TANK: variants seen among roughly 807,000 people sequenced by gnomAD.
TANK encodes the protein TRAF family member-associated NF-kappa-B activator.
TANK carries 15 observed loss-of-function variants against 43.6 expected under a neutral mutation model. The observed-to-expected ratio is 0.34, with a 90% CI of 0.23 to 0.53. The LOEUF (loss-of-function observed/expected upper bound fraction) is 0.53. TANK is among the 20% of genes least tolerant of loss of function. TANK has a pLI of 0.94. For synonymous variants in TANK, 162 were observed against 178.2 expected (o/e 0.91, Z 0.73); for missense variants, 417 against 498.6 (o/e 0.84, Z 1.56).
At chr2:161,141,427 C>CCTGT (rs1404134458) in intron 1 of TANK, among the ~76,000 whole-genome samples, 11 of 152,196 alleles carry the variant, frequency 7.2e-5, no homozygotes, top group Non-Finnish European at 1.5e-4. Flanking sequence ...CACCTATCAA[C>CCTGT]CTGTCATCTA....
At chr2:161,180,958 T>C (rs1434430589) in intron 2 of TANK, among the ~76,000 whole-genome samples, 1 of 150,208 alleles carries the variant, frequency 6.7e-6, no homozygotes, top group Non-Finnish European at 1.5e-5. Flanking sequence ...TCAACCAAAA[T>C]TCCAGATTCT....
chr2:161,148,137 A>C (rs1469614318), intron 1 of TANK, among the ~76,000 whole-genome samples: 1 of 152,178 alleles, frequency 6.6e-6, no homozygotes, highest in Non-Finnish European at 1.5e-5. Context: ...TTACACTCCA[A>C]CCAGCACTAT....
intron 4 of TANK, among the ~76,000 whole-genome samples, chr2:161,216,016 C>T (rs1417865888): frequency 6.6e-6 from 1 of 152,148 alleles, no homozygotes; most frequent in Non-Finnish European, 1.5e-5. Context: ...TGATAAGTCC[C>T]TTTTGGAAAC....
chr2:161,198,252 C>T (rs927026699), intron 2 of TANK, among the ~76,000 whole-genome samples: 11 of 152,214 alleles, frequency 7.2e-5, no homozygotes, highest in African/African-American at 2.4e-4. Context: ...AGATAAACAA[C>T]AAAAAACTCA....
At chr2:161,191,283 AT>A (rs141555693) in intron 2 of TANK, among the ~76,000 whole-genome samples, 1 of 152,074 alleles carries the variant, frequency 6.6e-6, no homozygotes, top group Non-Finnish European at 1.5e-5. Context: ...CCACATGCTT[AT>A]TTTTTTTAAA....
intron 1 of TANK, among the ~76,000 whole-genome samples, chr2:161,177,686 A>G (rs1206025532): frequency 6.6e-6 from 1 of 152,142 alleles, no homozygotes; most frequent in African/African-American, 2.4e-5. Context: ...ATTGGACTGT[A>G]TTAAAATTAA....
chr2:161,195,372 A>G (rs1035742407), intron 2 of TANK, among the ~76,000 whole-genome samples: 2 of 152,222 alleles, frequency 1.3e-5, no homozygotes, highest in African/African-American at 4.8e-5. Flanking sequence ...AATTGCTATT[A>G]GAATGTCTGT....
At chr2:161,191,877 T>C (rs2105322141) in intron 2 of TANK, among the ~76,000 whole-genome samples, 1 of 152,254 alleles carries the variant, frequency 6.6e-6, no homozygotes, top group South Asian at 2.1e-4. Flanking sequence ...CACCTCTGCC[T>C]CTTGGGTTCA....
intron 6 of TANK, among the ~76,000 whole-genome samples, chr2:161,227,724 C>G (rs1687701730): frequency 6.6e-6 from 1 of 152,230 alleles, no homozygotes; most frequent in Non-Finnish European, 1.5e-5. Flanking sequence ...AGTCTCTCCT[C>G]TTCGGGTGTT....
intron 1 of TANK, among the ~76,000 whole-genome samples, chr2:161,154,861 C>A (rs958853163): frequency 6.6e-6 from 1 of 151,812 alleles, no homozygotes; most frequent in Non-Finnish European, 1.5e-5. Flanking sequence ...TCTTGTGCCT[C>A]AGCTTCCTGA....
Position 161,212,388 on chromosome 2 carries a change from A to G in TANK, c.327+7595A>G, listed in dbSNP as rs1036892337. On this transcript the variant is annotated intron_variant, in intron 4 of 7. Coordinates refer to ENST00000392749, the MANE Select transcript of TANK (RefSeq NM_001199135.3). The stretch of plus-strand genomic sequence containing the variant: ...TACACAAACTCTTAAGAAAACAAAT[A>G]TTGATATCCAAAACATTTTAATAAT... 5 of 984,654 alleles carry G rather than the reference A, an allele frequency of 5.1e-6. No individual in the cohort carries two copies. The African/African-American group carries it at 7.0e-5, about 14-fold the overall frequency. 61.0% of individuals were successfully genotyped at this position (984,654 alleles called of 1,614,324 possible).
chr2:161,180,260 A>G (rs1252310403), intron 2 of TANK: 2 of 355,400 alleles, frequency 5.6e-6, no homozygotes, highest in Non-Finnish European at 7.9e-6. Context: ...ATCTTTAATG[A>G]CTTACTAAAG....
In TANK at chr2:161,137,019, A is replaced by G. The variant is rs73013291; in HGVS notation, c.-94A>G. ...CAACTGTGTAACTGTCTTCATCTTT[A>G]CAGAGGAATAGTCTACAAAGGAAGA... On this transcript the variant is annotated 5_prime_UTR_variant, in exon 1 of 8. Transcript: ENST00000259075. 7,488 of 985,358 alleles carry G rather than the reference A, an allele frequency of 7.6e-3. 420 individuals are homozygous for G. In the African/African-American group the frequency reaches 0.12, roughly 16 times the overall value. 61.0% of individuals were successfully genotyped at this position (985,358 alleles called of 1,614,324 possible).
chr2:161,146,115 G>A (rs1348068157), intron 1 of TANK, among the ~76,000 whole-genome samples: 4 of 152,116 alleles, frequency 2.6e-5, no homozygotes, highest in African/African-American at 9.6e-5. Flanking sequence ...TGGTCAATTC[G>A]GCTATTGATA....
intron 4 of TANK, among the ~76,000 whole-genome samples, chr2:161,213,207 G>A (rs1358585295): frequency 6.6e-6 from 1 of 152,156 alleles, no homozygotes; most frequent in East Asian, 1.9e-4. Flanking sequence ...CCAACATTGG[G>A]GATCAAATTT....
At chr2:161,175,733 C>G (rs950181043) in intron 1 of TANK, among the ~76,000 whole-genome samples, 3 of 152,084 alleles carry the variant, frequency 2.0e-5, no homozygotes, top group Non-Finnish European at 2.9e-5. Flanking sequence ...TGGACAGGCA[C>G]ACCATGGGCA....
At chr2:161,170,318 G>A (rs567241470) in intron 1 of TANK, among the ~76,000 whole-genome samples, 9 of 152,242 alleles carry the variant, frequency 5.9e-5, no homozygotes, top group Middle Eastern at 3.4e-3. Flanking sequence ...ATGAGTTGTG[G>A]AAGTTTTATG....
rs16845714 is a variant in TANK at position 161,227,914 on chromosome 2, G to A, written c.521-3057G>A. ...GAACCTCAGAGGCTAAAGAAATCCA[G>A]ATAAACAATTAAGCTTGGTGACAAT... On this transcript the variant is annotated intron_variant, in intron 6 of 7. Coordinates refer to ENST00000392749, the MANE Select transcript of TANK (RefSeq NM_001199135.3). 2.7e-3 allele frequency among the ~76,000 whole-genome samples: 410 copies of A among 152,294 alleles called. 3 individuals are homozygous for A. The highest frequency in any genetic ancestry group is 9.6e-3 in the African/African-American group (401 of 41,572).
rs547174809 is a variant in TANK, at chr2:161,184,021, G to A, written c.99+4260G>A. ...ATGAGAATCAGTTAATAAGCTCAAT[G>A]TGAGTCGATACTTGAGCTAAGGTTA... On this transcript the variant is annotated intron_variant, in intron 2 of 7. Coordinates refer to ENST00000392749, the MANE Select transcript of TANK (RefSeq NM_001199135.3). Among the ~76,000 whole-genome samples the A allele has an allele frequency of 3.9e-5, 6 of 152,182 alleles. No homozygotes were observed. In the South Asian group the frequency reaches 1.2e-3, roughly 32 times the overall value.
Sources: gnomAD v4.1 joint callset for allele counts (sites outside exome capture counted in the v4.1 genomes callset) on GRCh38, gnomAD v4.1.1 for gene constraint, MANE v1.5 for transcripts, NCBI Gene and HGNC (gene_info 2026-07-23, HGNC 2026-07-21) for gene names.